PTPRT: variants seen among roughly 807,000 people sequenced by gnomAD.
The protein encoded by PTPRT is protein tyrosine phosphatase receptor type T, also known as receptor-type tyrosine-protein phosphatase T.
Under a neutral mutation model 176.8 loss-of-function variants are expected in PTPRT, and 56 were observed. That is an observed-to-expected ratio of 0.32 (90% confidence interval 0.26 to 0.40). PTPRT has a LOEUF of 0.40. PTPRT is among the 10% of genes least tolerant of loss of function. The probability of loss-of-function intolerance (pLI) is 1.00; values close to 1 mark genes in which losing one functional copy is unlikely to be tolerated. For missense variants in PTPRT, 1,540 were observed against 1,908.2 expected (o/e 0.81, Z 3.60); for synonymous variants, 783 against 739.0 (o/e 1.06, Z -0.96).
At chr20:42,746,592 T>C (rs976882993) in intron 6 of PTPRT, among the ~76,000 whole-genome samples, 2 of 151,922 alleles carry the variant, frequency 1.3e-5, no homozygotes, top group African/African-American at 4.8e-5. Flanking sequence ...ACCTCTGATT[T>C]GCTATCTATG....
At chr20:42,448,361 C>T in intron 8 of PTPRT, 32 bp from the exon 9 acceptor site, 1 of 1,481,308 alleles carries the variant, frequency 6.8e-7, no homozygotes. Flanking sequence ...AACTTGATGT[C>T]ACCTTCCACA....
intron 7 of PTPRT, among the ~76,000 whole-genome samples, chr20:42,598,510 C>T (rs970647393): frequency 6.6e-6 from 1 of 152,056 alleles, no homozygotes; most frequent in Non-Finnish European, 1.5e-5. Flanking sequence ...AAGAAGAAAA[C>T]TTGTTAGGGA....
intron 11 of PTPRT, among the ~76,000 whole-genome samples, chr20:42,343,872 C>G (rs1344824993): frequency 4.1e-5 from 6 of 146,312 alleles, no homozygotes; most frequent in Non-Finnish European, 7.8e-5. Context: ...CACTCTTTGC[C>G]TCAACAGCTT....
At chr20:42,284,563 CCACGTTGATATTCATCTGTTAAT>C (rs1470684557) in intron 12 of PTPRT, among the ~76,000 whole-genome samples, 1 of 152,018 alleles carries the variant, frequency 6.6e-6, no homozygotes, top group Non-Finnish European at 1.5e-5. Flanking sequence ...ATTCCTTCTT[CCACGTTGATATTCATCTGTTAAT>C]CAGAATCAGA....
At chr20:43,014,388 T>C (rs1286715545) in intron 1 of PTPRT, among the ~76,000 whole-genome samples, 1 of 152,182 alleles carries the variant, frequency 6.6e-6, no homozygotes, top group Non-Finnish European at 1.5e-5. Flanking sequence ...TCAAGTCCAA[T>C]TTCACAAGCC....
intron 7 of PTPRT, among the ~76,000 whole-genome samples, chr20:42,652,902 A>G (rs2075057740): frequency 6.6e-6 from 1 of 152,112 alleles, no homozygotes. Context: ...CTCTTTCTCC[A>G]TCATAACTTT....
rs190918990 is a variant in PTPRT at position 42,566,277 on chromosome 20, G to A, written c.1154-93715C>T. On this transcript the variant is annotated intron_variant, in intron 7 of 30. Transcript: ENST00000373187. ...CAGCCTCCCAAGTAGCTGGGATTAC[G>A]TGTGTGCAGCACCATGCCCAGCTAA... Among the ~76,000 whole-genome samples, 1,441 of 151,258 alleles carry A rather than the reference G, an allele frequency of 9.5e-3. 18 individuals are homozygous for A. Among genetic ancestry groups the A allele is most frequent in the Middle Eastern group, 0.014 (4 of 294 alleles).
intron 6 of PTPRT, among the ~76,000 whole-genome samples, chr20:42,744,247 C>T (rs375484105): frequency 2.4e-4 from 37 of 152,354 alleles, no homozygotes; most frequent in African/African-American, 7.7e-4. Flanking sequence ...TCTTGGGCTT[C>T]GTGGCCATAG....
chr20:42,418,788 C>T (rs1004319080), intron 9 of PTPRT, among the ~76,000 whole-genome samples: 10 of 152,282 alleles, frequency 6.6e-5, no homozygotes, highest in Admixed American at 6.5e-4. Context: ...GCACATACCC[C>T]AGTCTTGACC....
chr20:42,717,735 A>C (rs1399225560), intron 6 of PTPRT, among the ~76,000 whole-genome samples: 1 of 152,246 alleles, frequency 6.6e-6, no homozygotes, highest in East Asian at 1.9e-4. Context: ...AGAAAGAAAA[A>C]GGATATTTAT....
intron 7 of PTPRT, among the ~76,000 whole-genome samples, chr20:42,617,661 G>C (rs1355187004): frequency 7.2e-6 from 1 of 138,858 alleles, no homozygotes; most frequent in African/African-American, 3.1e-5. Context: ...TCCTGGTTTA[G>C]TCTTGGGAGG....
rs573475925 is a variant in PTPRT at position 42,456,466 on chromosome 20, T to C, written c.1451-8137A>G. 3.9e-5 allele frequency among the ~76,000 whole-genome samples: 6 copies of C among 152,220 alleles called. No individual in the cohort carries two copies. The South Asian group carries it at 1.2e-3, about 32-fold the overall frequency. On this transcript the variant is annotated intron_variant, in intron 8 of 30. Coordinates refer to ENST00000373187, the MANE Select transcript of PTPRT (RefSeq NM_007050.6). ...CAAAGATAATGATGATATTGTTTCA[T>C]CTTTGAGTATGATGTTTGTAGGTTT...
At position 42,250,993 on chromosome 20, in the gene PTPRT, T is replaced by TG. The variant is rs575214052; in HGVS notation, c.2177-2172dup. On this transcript the variant is annotated intron_variant, in intron 13 of 30. Transcript: ENST00000373187. ...GCAGGGCTGGTCTGACATTTAGGGA[T>TG]GGGGGGACGAGGGCTGGTTCTGAGG... Among the ~76,000 whole-genome samples the TG allele has an allele frequency of 5.1e-3, 774 of 152,318 alleles. 6 individuals carry two copies. The highest frequency in any genetic ancestry group is 0.018 in the African/African-American group (748 of 41,592).
In PTPRT at chr20:42,291,826, T is replaced by C. The variant is rs959665078; in HGVS notation, c.2140-9301A>G. Among the ~76,000 whole-genome samples, 8 of 152,274 alleles carry C rather than the reference T, an allele frequency of 5.3e-5. No homozygotes were observed. The South Asian group carries it at 8.3e-4, about 16-fold the overall frequency. ...AAGACCAGGAGACCTTTTGGGACTA[T>C]AGAGTTTTGGTCTATATTTTAAGAA... is the stretch of plus-strand genomic sequence containing the variant. On this transcript the variant is annotated intron_variant, in intron 12 of 30. Transcript: ENST00000373187.
intron 12 of PTPRT, among the ~76,000 whole-genome samples, chr20:42,304,370 T>C (rs1031039767): frequency 1.3e-5 from 2 of 152,164 alleles, no homozygotes; most frequent in Non-Finnish European, 2.9e-5. Flanking sequence ...CCACCTGTGA[T>C]ATGTAATAGC....
chr20:42,410,131 G>A (rs2058999436), intron 9 of PTPRT, among the ~76,000 whole-genome samples: 1 of 151,964 alleles, frequency 6.6e-6, no homozygotes, highest in Admixed American at 6.6e-5. Flanking sequence ...TTACATATAG[G>A]AAGGGTGAAA....
chr20:42,711,862 A>C (rs945809650), intron 6 of PTPRT, among the ~76,000 whole-genome samples: 9 of 151,840 alleles, frequency 5.9e-5, no homozygotes, highest in Middle Eastern at 3.2e-3. Context: ...AATGAGGCTG[A>C]CAGATGAAAT....
chr20:42,159,451 G>A (rs1989495941), intron 17 of PTPRT, among the ~76,000 whole-genome samples: 2 of 150,710 alleles, frequency 1.3e-5, no homozygotes, highest in South Asian at 4.2e-4. Context: ...TTAAGTTTTA[G>A]GGTACCAAAT....
intron 6 of PTPRT, among the ~76,000 whole-genome samples, chr20:42,722,388 C>T (rs17749109): frequency 0.15 from 23,292 of 152,154 alleles, 2,163 homozygotes; most frequent in Middle Eastern, 0.25. Flanking sequence ...GACTAAATCC[C>T]CTGGACATTA....
Sources: gnomAD v4.1 joint callset for allele counts (sites outside exome capture counted in the v4.1 genomes callset) on GRCh38, gnomAD v4.1.1 for gene constraint, MANE v1.5 for transcripts, NCBI Gene and HGNC (gene_info 2026-07-23, HGNC 2026-07-21) for gene names.